KRT72: variants seen among roughly 807,000 people sequenced by gnomAD.
The protein encoded by KRT72 is keratin 72.
Under a neutral mutation model 44.7 loss-of-function variants are expected in KRT72, and 44 were observed. The observed-to-expected ratio is 0.98, with a 90% CI of 0.77 to 1.27. The LOEUF (loss-of-function observed/expected upper bound fraction) is 1.27. Ranked by LOEUF, KRT72 falls within the 50% of genes most tolerant of loss-of-function variation. The probability of loss-of-function intolerance (pLI) is 0.00; values close to 1 mark genes in which losing one functional copy is unlikely to be tolerated. For synonymous variants in KRT72, 302 were observed against 280.4 expected, an observed-to-expected ratio of 1.08 and a Z score of -0.77; for missense variants, 736 against 667.1, an observed-to-expected ratio of 1.10 and a Z score of -1.14.
intron 3 of KRT72, 103 bp from the exon 4 acceptor site, chr12:52,592,594 G>A: frequency 1.2e-6 from 1 of 840,742 alleles, no homozygotes; most frequent in Middle Eastern, 3.0e-4. Flanking sequence ...TTCACCCTGT[G>A]CTTCATGGGG....
chr12:52,596,643 C>T (rs532532376), intron 2 of KRT72, among the ~76,000 whole-genome samples: 1 of 151,828 alleles, frequency 6.6e-6, no homozygotes, highest in Non-Finnish European at 1.5e-5. Flanking sequence ...CCTCTGCCTC[C>T]CAGGTTCAAG....
chr12:52,591,972 C>T (rs139917381), intron 4 of KRT72, among the ~76,000 whole-genome samples: 87 of 152,316 alleles, frequency 5.7e-4, no homozygotes, highest in Non-Finnish European at 1.6e-4. Flanking sequence ...GTCCCTTCCC[C>T]AGGCCTCTGC....
Position 52,587,694 on chromosome 12 carries a change from A to G in KRT72, c.1247T>C (p.Leu416Pro). The change falls in exon 7 of 9, where the codon CTG (leucine) becomes CCG (proline). Residue 416 changes from leucine (L) to proline (P), a missense_variant. Leu to Pro is a moderately conservative substitution (Grantham distance 98). Transcript: ENST00000293745. ...MLREYQELVS[L>P]KLALDMEIAT... is the part of the protein sequence containing the mutation. ...GATCTCCATATCCAGGGCCAGCTTC[A>G]GGCTCACGAGCTCCTGGTACTCACG... The G allele has an allele frequency of 1.9e-6, 3 of 1,614,178 alleles. No individual in the cohort carries two copies. The highest frequency in any genetic ancestry group is 2.5e-6 in the Non-Finnish European group (3 of 1,180,028).
chr12:52,601,518 G>A (rs1235345794), upstream of KRT72: 1 of 1,482,838 alleles, frequency 6.7e-7, no homozygotes, highest in Admixed American at 2.1e-5. Context: ...CTGCGTTCTC[G>A]GCCCAGCTCG....
chr12:52,594,043 A>T (rs898655879), intron 2 of KRT72, among the ~76,000 whole-genome samples: 4 of 152,242 alleles, frequency 2.6e-5, no homozygotes, highest in African/African-American at 9.6e-5. Context: ...ATTTTGTTAT[A>T]TGTATTTTAC....
chr12:52,589,771 C>G (rs1183558126), intron 6 of KRT72, among the ~76,000 whole-genome samples: 1 of 152,184 alleles, frequency 6.6e-6, no homozygotes, highest in South Asian at 2.1e-4. Flanking sequence ...AGGGTATCTT[C>G]CCTGACCACC....
At position 52,586,149 on chromosome 12, in the gene KRT72, C is replaced by T. The variant is rs1042640511; in HGVS notation, c.1369G>A (p.Gly457Arg). ...ATGCTGAAGCCAGCCCCTCCTGCCC[C>T]AGCATTGGTGCTGCTGATGACGGCT... ...SISVISSTNA[G>R]AGGAGFSMGF... The change falls in exon 9 of 9, where the codon GGG becomes AGG. Residue 457 changes from glycine to arginine, a missense_variant. Gly to Arg is a moderately radical substitution (Grantham distance 125). Transcript: ENST00000293745. 5.0e-6 allele frequency: 8 copies of T among 1,613,870 alleles called. No individual in the cohort carries two copies. In the Admixed American group the frequency reaches 6.7e-5, roughly 13 times the overall value.
chr12:52,587,126 C>T (rs563264748), intron 7 of KRT72, 146 bp from the exon 8 acceptor site: 29 of 707,268 alleles, frequency 4.1e-5, no homozygotes, highest in African/African-American at 3.4e-4. Flanking sequence ...CATCCCAGTG[C>T]GACCCCCACC....
In KRT72 at chr12:52,601,207, G is replaced by C. The variant is rs760683345; in HGVS notation, c.246C>G (p.Ala82=). ...CGGAGGGACACTTGGGCCCCAGCCCGGCGCTGCCGAAGGCGGTGCCCACGA... is the reference window on the plus strand; with the variant it reads ...CGGAGGGACACTTGGGCCCCAGCCCCGCGCTGCCGAAGGCGGTGCCCACGA... ...GGFVGTAFGS[A]GLGPKCPSVC... Residue 82 remains alanine (A), a synonymous_variant, in exon 1 of 9, where the codon GCC becomes GCG. Transcript: ENST00000293745. 2 of 1,610,304 alleles carry C rather than the reference G, an allele frequency of 1.2e-6. No homozygotes were observed. The highest frequency in any genetic ancestry group is 1.3e-5 in the African/African-American group (1 of 74,878).
At position 52,590,855 on chromosome 12, in the gene KRT72, A is replaced by G; in HGVS notation, c.1070T>C (p.Ile357Thr). 1.3e-6 allele frequency: 2 copies of G among 1,586,146 alleles called. No individual in the cohort carries two copies. The highest frequency in any genetic ancestry group is 1.7e-6 in the Non-Finnish European group (2 of 1,160,166). ...ACCCACCTGCTTCTTCACATTCCCT[A>G]TCTCTGAGCGGATCCTCTGGATCAG... ...NRLIQRIRSE[I>T]GNVKKQCADL... is the part of the protein sequence containing the mutation. Residue 357 changes from isoleucine to threonine, a missense_variant, in exon 6 of 9, where the codon ATA becomes ACA. Coordinates refer to ENST00000293745, the MANE Select transcript of KRT72 (RefSeq NM_080747.3).
chr12:52,597,896 G>T (rs900319158), intron 2 of KRT72, among the ~76,000 whole-genome samples: 3 of 152,158 alleles, frequency 2.0e-5, no homozygotes, highest in African/African-American at 7.2e-5. Context: ...ACTAGTTCAT[G>T]GTGATTCAGG....
At chr12:52,588,991 A>G (rs1338096299) in intron 6 of KRT72, among the ~76,000 whole-genome samples, 5 of 100,230 alleles carry the variant, frequency 5.0e-5, no homozygotes, top group African/African-American at 1.0e-4. Flanking sequence ...CAGAGGGAGA[A>G]TCCATCTCAA....
intron 8 of KRT72, 32 bp downstream of exon 8, chr12:52,586,914 C>G (rs745856151): frequency 6.2e-7 from 1 of 1,606,640 alleles, no homozygotes; most frequent in East Asian, 2.2e-5. Flanking sequence ...GTAAGGTGAC[C>G]AAGGGCAGAA....
rs202134032 is a variant in KRT72 at position 52,587,702 on chromosome 12, G to A, written c.1239C>T (p.Leu413=). 1.1e-5 allele frequency: 17 copies of A among 1,614,144 alleles called. No individual in the cohort carries two copies. The highest frequency in any genetic ancestry group is 4.5e-5 in the East Asian group (2 of 44,864). Reference sequence around the variant, plus strand: ...TATCCAGGGCCAGCTTCAGGCTCACGAGCTCCTGGTACTCACGCAGCATCC... The same window carrying A: ...TATCCAGGGCCAGCTTCAGGCTCACAAGCTCCTGGTACTCACGCAGCATCC... The part of the protein sequence containing the change: ...LARMLREYQE[L]VSLKLALDME... Residue 413 remains leucine (L), a synonymous_variant, in exon 7 of 9, where the codon CTC becomes CTT. Transcript: ENST00000293745.
chr12:52,601,343 C>T lies in KRT72; in HGVS notation c.110G>A (p.Arg37Gln), dbSNP rs61747194. The T allele has an allele frequency of 3.2e-3, 4,880 of 1,545,130 alleles. 154 individuals are homozygous for T. In the African/African-American group the frequency reaches 0.059, roughly 19 times the overall value. The change falls in exon 1 of 9, where the codon CGG (arginine) becomes CAG (glutamine). Residue 37 changes from arginine to glutamine, a missense_variant. Arg to Gln is a conservative substitution (Grantham distance 43). Transcript: ENST00000293745. ...IGSSSASFRARVKGSASFGSK... is the reference protein window; with the variant it reads ...IGSSSASFRAQVKGSASFGSK... ...GCCAAAGGAGGCCGAGCCCTTGACC[C>T]GGGCCCGGAATGAGGCGGAGCTGCT...
chr12:52,592,968 C>T lies in KRT72; in HGVS notation c.642-16G>A, dbSNP rs759094748. ...CACCTCATACCTGCATGGGGCAAGA[C>T]AATGAGGTAATTCAGTTCTGCAAAC... On this transcript the variant is annotated splice_polypyrimidine_tract_variant and intron_variant, in intron 2 of 8. Transcript: ENST00000293745. The T allele has an allele frequency of 2.5e-6, 4 of 1,610,748 alleles. No individual in the cohort carries two copies. In the Admixed American group the frequency reaches 6.7e-5, roughly 27 times the overall value.
In KRT72 at chr12:52,601,028, T is replaced by A; in HGVS notation, c.425A>T (p.Lys142Met). The A allele has an allele frequency of 6.2e-7, 1 of 1,611,594 alleles. No individual in the cohort carries two copies. Among genetic ancestry groups the A allele is most frequent in the South Asian group, 1.1e-5 (1 of 90,702 alleles). ...LNNKFASFID[K>M]VRFLEQQNQV... is the part of the protein sequence containing the mutation. ...ACAGGCCAATGCCCGAGGACTCACC[T>A]TGTCGATGAAGGAGGCGAACTTGTT... Residue 142 changes from lysine (K) to methionine (M), a missense_variant and splice_region_variant, in exon 1 of 9, where the codon AAG (lysine) becomes ATG (methionine). Coordinates refer to ENST00000293745, the MANE Select transcript of KRT72 (RefSeq NM_080747.3).
chr12:52,591,526 C>T lies in KRT72; in HGVS notation c.901G>A (p.Ala301Thr), dbSNP rs1236522095. The T allele has an allele frequency of 6.2e-7, 1 of 1,614,114 alleles. No homozygotes were observed. The highest frequency in any genetic ancestry group is 1.1e-5 in the South Asian group (1 of 91,066). Reference sequence around the variant, plus strand: ...TTTAGGGCAATCTCCTCGTACTGGGCACGGACCTCGGCAATGATGCTGTCC... The same window carrying T: ...TTTAGGGCAATCTCCTCGTACTGGGTACGGACCTCGGCAATGATGCTGTCC... ...DLDSIIAEVRAQYEEIALKSK... is the reference protein window; with the variant it reads ...DLDSIIAEVRTQYEEIALKSK... Residue 301 changes from alanine (A) to threonine (T), a missense_variant, in exon 5 of 9, where the codon GCC becomes ACC. Ala to Thr is a moderately conservative substitution (Grantham distance 58). Transcript: ENST00000293745.
chr12:52,587,114 C>G lies in KRT72; in HGVS notation c.1311-134G>C, dbSNP rs1939790386. 6.3e-6 allele frequency: 5 copies of G among 794,618 alleles called. No individual in the cohort carries two copies. The East Asian group carries it at 1.3e-4, about 21-fold the overall frequency. The allele number at this position is 794,618 out of a possible 1,614,324, so 49.2% of individuals were successfully genotyped here. ...CCCATCCTAGCCTCCTTTCTTCCCA[C>G]ACATCCCAGTGCGACCCCCACCAAG... On this transcript the variant is annotated intron_variant, in intron 7 of 8. Transcript: ENST00000293745.
Sources: allele counts gnomAD v4.1 joint callset (sites outside exome capture counted in the v4.1 genomes callset), GRCh38; gene constraint gnomAD v4.1.1; transcripts MANE v1.5; gene names NCBI Gene and HGNC (gene_info 2026-07-23, HGNC 2026-07-21).